The following TRPM5 variants were observed in gnomAD, a reference collection of about 807,000 sequenced individuals.
The protein encoded by TRPM5 is transient receptor potential cation channel subfamily M member 5, also known as MLSN1 and TRP-related.
Under a neutral mutation model 124.9 loss-of-function variants are expected in TRPM5, and 121 were observed. That is an observed-to-expected ratio of 0.97 (90% confidence interval 0.84 to 1.13). TRPM5 has a LOEUF of 1.13. Ranked by LOEUF, TRPM5 falls within the 50% of genes most tolerant of loss-of-function variation. The pLI, the probability that TRPM5 is intolerant of heterozygous loss-of-function variation, is 0.00. For missense variants in TRPM5, 1,643 were observed against 1,589.1 expected, an observed-to-expected ratio of 1.03 and a Z score of -0.58; for synonymous variants, 781 against 700.5, an observed-to-expected ratio of 1.11 and a Z score of -1.81.
exon 13 of TRPM5, chr11:2,413,512 C>T: frequency 6.2e-7 from 1 of 1,612,376 alleles, no homozygotes; most frequent in Non-Finnish European, 8.5e-7. Context: ...GAGGGCGGGG[C>T]AGAGGAAGGC....
exon 18 of TRPM5, chr11:2,411,521 C>T (rs1360930295): frequency 6.2e-7 from 1 of 1,608,348 alleles, no homozygotes; most frequent in Non-Finnish European, 8.5e-7. Flanking sequence ...AGAAGACGTC[C>T]TTCATCTCCA....
chr11:2,418,475 G>A (rs369926374), intron 5 of TRPM5, 52 bp downstream of exon 10: 210 of 1,576,612 alleles, frequency 1.3e-4, no homozygotes, highest in Non-Finnish European at 1.7e-4. Context: ...AGAACCCACC[G>A]CACCCCTCCA....
intron 7 of TRPM5, 54 bp downstream of exon 12, chr11:2,417,673 C>T: frequency 6.9e-7 from 1 of 1,453,312 alleles, no homozygotes; most frequent in Middle Eastern, 2.4e-4. Flanking sequence ...CAAAGCGGCT[C>T]TGAGCATGAA....
At chr11:2,417,752 C>G in exon 7 of TRPM5, 1 of 1,592,304 alleles carries the variant, frequency 6.3e-7, no homozygotes, top group Non-Finnish European at 8.6e-7. Context: ...TCAGGATGAC[C>G]GTGTCCAGCT....
chr11:2,419,597 TG>T (rs138575715), intron 4 of TRPM5, among the ~76,000 whole-genome samples: 3,260 of 136,396 alleles, frequency 0.024, 119 homozygotes, highest in African/African-American at 0.087. Flanking sequence ...GCCTGGGGGA[TG>T]GGGGACAGAG....
Position 2,407,105 on chromosome 11 carries a change from G to C in TRPM5, c.3118+14C>G. The stretch of plus-strand genomic sequence containing the variant: ...CGGCCTCACCCAGGTGCTCCCGCTT[G>C]TGCTCGGCCTCACCCAGGTGCTCCC... On this transcript the variant is annotated intron_variant, in intron 20 of 23. Coordinates refer to ENST00000155858, the Ensembl canonical transcript of TRPM5. The C allele has an allele frequency of 9.5e-7, 1 of 1,055,192 alleles. No individual in the cohort carries two copies. Among genetic ancestry groups the C allele is most frequent in the Non-Finnish European group, 1.3e-6 (1 of 782,524 alleles). 65.4% of individuals were successfully genotyped at this position (1,055,192 alleles called of 1,614,324 possible). A position where few individuals can be genotyped will look rare whatever the true frequency, so the allele number is the denominator to read the frequency against.
In TRPM5 at chr11:2,405,981, G is replaced by A. The variant is rs7938864; in HGVS notation, c.3324+38C>T. ...TCCCAGTAGCCCCACGCAGCCACCC[G>A]CCTCCCATCAGGGAGAGGAGCTCTG... On this transcript the variant is annotated intron_variant, in intron 22 of 23. Transcript: ENST00000155858. The A allele has an allele frequency of 0.11, 166,572 of 1,566,066 alleles. 10,702 individuals carry two copies. The highest frequency in any genetic ancestry group is 0.26 in the African/African-American group (19,458 of 74,222).
At chr11:2,421,048 A>G in exon 3 of TRPM5, 5 of 1,545,200 alleles carry the variant, frequency 3.2e-6, no homozygotes, top group Non-Finnish European at 4.4e-6. Flanking sequence ...CTCCTCCAGA[A>G]TGCGGCGGTG....
exon 9 of TRPM5, chr11:2,415,246 G>T: frequency 1.3e-6 from 2 of 1,569,904 alleles, no homozygotes; most frequent in Non-Finnish European, 8.6e-7. Flanking sequence ...GGTGGCTCCC[G>T]GGCCTGCTGG....
the TRPM5 span, among the ~76,000 whole-genome samples, chr11:2,438,356 C>T: frequency 1.3e-5 from 2 of 152,156 alleles, no homozygotes; most frequent in Non-Finnish European, 2.9e-5. The surrounding 1 kb of genome is among the most constrained non-coding windows in gnomAD (Gnocchi z 5.9). Context: ...CGCATCTCCA[C>T]AAGGAGAAAC....
intron 4 of TRPM5, 114 bp from the exon 10 acceptor site, chr11:2,418,705 G>A (rs1226894786): frequency 9.1e-7 from 1 of 1,103,346 alleles, no homozygotes; most frequent in African/African-American, 1.6e-5. Flanking sequence ...TCCGAATAAA[G>A]TGTGGGCTTC....
At chr11:2,406,734 C>T (rs1371800827) in exon 21 of TRPM5, 2 of 1,613,496 alleles carry the variant, frequency 1.2e-6, no homozygotes, top group Non-Finnish European at 1.7e-6. Flanking sequence ...AGGAAGTTCT[C>T]CTTCTGGACT....
the TRPM5 span, among the ~76,000 whole-genome samples, chr11:2,428,679 G>A: frequency 6.6e-6 from 1 of 151,824 alleles, no homozygotes; most frequent in African/African-American, 2.4e-5. The surrounding 1 kb of genome is among the most constrained non-coding windows in gnomAD (Gnocchi z 4.0). Flanking sequence ...TGATGACGAA[G>A]ATGATGATGA....
chr11:2,420,284 C>T (rs1000767306), exon 4 of TRPM5: 1 of 1,612,342 alleles, frequency 6.2e-7, no homozygotes, highest in Non-Finnish European at 8.5e-7. Flanking sequence ...CTCCGTCAGC[C>T]CATCGCCCTT....
In TRPM5 at chr11:2,415,925, T is replaced by C. The variant is rs778070145; in HGVS notation, c.1109A>G (p.Asn370Ser). 299 of 1,576,980 alleles carry C rather than the reference T, an allele frequency of 1.9e-4. No individual in the cohort carries two copies. Among genetic ancestry groups the C allele is most frequent in the Non-Finnish European group, 2.5e-4 (292 of 1,161,440 alleles). The change falls in exon 8 of 24, where the codon AAT becomes AGT. Residue 370 changes from asparagine to serine, a missense_variant. Transcript: ENST00000155858. The stretch of plus-strand genomic sequence containing the variant: ...AGGCACCTTCCACTCCACGTCCCCA[T>C]TGAAGATCTCACTCTTGGCGATGTC...
intron 19 of TRPM5, 69 bp downstream of exon 24, chr11:2,407,690 G>A (rs1850351189): frequency 8.9e-6 from 14 of 1,568,672 alleles, no homozygotes; most frequent in South Asian, 3.5e-5. Flanking sequence ...CAAAGGAGGC[G>A]GTGTTGGGGA....
At chr11:2,415,125 C>A in exon 9 of TRPM5, 1 of 1,569,600 alleles carries the variant, frequency 6.4e-7, no homozygotes, top group South Asian at 1.2e-5. Context: ...GCTCACCGCC[C>A]TCCTGCGGTC....
chr11:2,411,200 G>A (rs1850437908), intron 18 of TRPM5, 152 bp downstream of exon 23: 1 of 985,034 alleles, frequency 1.0e-6, no homozygotes, highest in Non-Finnish European at 1.4e-6. Context: ...TGGGGGGCCT[G>A]GGGACCAGGC....
rs7934729 is a variant in TRPM5, at chr11:2,404,870, G to A, written c.*67C>T. ...GGGGTTCCGCTGGAGGTCGGCAAAG[G>A]TCAGTGCACAACGTGCAGGGTGGCC... On this transcript the variant is annotated 3_prime_UTR_variant, in exon 24 of 24. Coordinates refer to ENST00000155858, the Ensembl canonical transcript of TRPM5. 9,431 of 1,389,056 alleles carry A rather than the reference G, an allele frequency of 6.8e-3. 462 individuals carry two copies. The African/African-American group carries it at 0.11, about 16-fold the overall frequency. 86.0% of individuals were successfully genotyped at this position (1,389,056 alleles called of 1,614,324 possible).
Sources: gnomAD v4.1 joint callset for allele counts (sites outside exome capture counted in the v4.1 genomes callset) on GRCh38, gnomAD v4.1.1 for gene constraint, Gnocchi (gnomAD v3.1) non-coding constraint, MANE v1.5 for transcripts, NCBI Gene and HGNC (gene_info 2026-07-23, HGNC 2026-07-21) for gene names.